The following EHBP1 variants were observed in gnomAD, a reference collection of about 807,000 sequenced individuals.
EHBP1 encodes the protein EH domain-binding protein 1.
EHBP1 carries 55 observed loss-of-function variants against 144.0 expected under a neutral mutation model. The observed-to-expected ratio is 0.38, with a 90% CI of 0.31 to 0.48. The LOEUF (loss-of-function observed/expected upper bound fraction) is 0.48. Among genes scored for constraint, EHBP1 ranks in the 20% least tolerant of loss-of-function variants. The pLI, the probability that EHBP1 is intolerant of heterozygous loss-of-function variation, is 0.98. For missense variants in EHBP1, 1,200 were observed against 1,364.2 expected (o/e 0.88, Z 1.90); for synonymous variants, 469 against 472.7 (o/e 0.99, Z 0.10).
chr2:62,962,166 A>T (rs1203501544), intron 14 of EHBP1, among the ~76,000 whole-genome samples: 2 of 151,828 alleles, frequency 1.3e-5, no homozygotes, highest in Non-Finnish European at 1.5e-5. Flanking sequence ...CTCTACCAAA[A>T]ATACAAAAAA....
chr2:62,699,933 C>T (rs920128988), intron 1 of EHBP1, among the ~76,000 whole-genome samples: 3 of 152,174 alleles, frequency 2.0e-5, no homozygotes, highest in African/African-American at 7.2e-5. Flanking sequence ...TTTCTAGATG[C>T]TGTGGAGCTG....
chr2:62,704,730 C>A (rs2034398174), upstream of EHBP1, among the ~76,000 whole-genome samples: 1 of 152,164 alleles, frequency 6.6e-6, no homozygotes, highest in South Asian at 2.1e-4. Context: ...CACCAGGGGT[C>A]TGTGAACCAC....
chr2:62,803,252 T>G (rs1156961318), intron 5 of EHBP1, among the ~76,000 whole-genome samples: 2 of 151,864 alleles, frequency 1.3e-5, no homozygotes, highest in African/African-American at 4.8e-5. Context: ...AAAAAAAAAT[T>G]TATGCACACG....
intron 5 of EHBP1, among the ~76,000 whole-genome samples, chr2:62,813,619 G>A (rs1383106346): frequency 6.6e-6 from 1 of 152,202 alleles, no homozygotes; most frequent in East Asian, 1.9e-4. Context: ...GGTGGACTGA[G>A]TCCAGCAAAG....
chr2:62,727,575 G>A lies in EHBP1; in HGVS notation c.105-19820G>A, dbSNP rs189428403. ...GATACTATATGGTCTTTTGTGACTG[G>A]CTTCTTTCACTTAGCATTATGGTTT... On this transcript the variant is annotated intron_variant, in intron 2 of 22. Transcript: ENST00000431489. 5.5e-4 allele frequency among the ~76,000 whole-genome samples: 84 copies of A among 152,150 alleles called. No individual in the cohort carries two copies. The East Asian group carries it at 0.011, about 20-fold the overall frequency.
At chr2:62,792,303 A>T (rs1165600813) in intron 5 of EHBP1, among the ~76,000 whole-genome samples, 1 of 152,070 alleles carries the variant, frequency 6.6e-6, no homozygotes, top group African/African-American at 2.4e-5. Flanking sequence ...AATGTTCTAC[A>T]GTCCAGATAT....
intron 21 of EHBP1, 118 bp downstream of exon 21, chr2:63,038,934 C>A: frequency 2.4e-6 from 2 of 819,066 alleles, no homozygotes; most frequent in Non-Finnish European, 3.9e-6. Flanking sequence ...TCCGGAATTG[C>A]AAATAAATGC....
At chr2:63,015,535 C>T (rs1379555154) in intron 19 of EHBP1, among the ~76,000 whole-genome samples, 3 of 152,034 alleles carry the variant, frequency 2.0e-5, no homozygotes, top group Non-Finnish European at 4.4e-5. Context: ...TGTTTAGAGA[C>T]AGGGTCTTGC....
chr2:62,696,652 T>C (rs1279962080), intron 1 of EHBP1, among the ~76,000 whole-genome samples: 8 of 151,266 alleles, frequency 5.3e-5, no homozygotes, highest in Non-Finnish European at 8.8e-5. Context: ...TAGCTGGGAC[T>C]ACAGGCGCCA....
intron 5 of EHBP1, among the ~76,000 whole-genome samples, chr2:62,802,485 T>A (rs2044077469): frequency 6.6e-6 from 1 of 152,182 alleles, no homozygotes; most frequent in Non-Finnish European, 1.5e-5. Context: ...GTTGTTCCCC[T>A]TCCCCATACA....
At chr2:62,846,261 C>G (rs762886620) in intron 7 of EHBP1, among the ~76,000 whole-genome samples, 1 of 152,048 alleles carries the variant, frequency 6.6e-6, no homozygotes, top group African/African-American at 2.4e-5. Flanking sequence ...AACGAGGGCT[C>G]TAAAAAAGAA....
intron 5 of EHBP1, among the ~76,000 whole-genome samples, chr2:62,822,403 A>AT (rs1393996272): frequency 1.3e-5 from 2 of 152,014 alleles, no homozygotes; most frequent in Non-Finnish European, 2.9e-5. Context: ...GCAGTTATCT[A>AT]TTTTTTCTCC....
intron 7 of EHBP1, among the ~76,000 whole-genome samples, chr2:62,851,952 T>A (rs1260935256): frequency 6.6e-6 from 1 of 152,152 alleles, no homozygotes; most frequent in Non-Finnish European, 1.5e-5. Context: ...AAAAGCATGA[T>A]GATGAGGAAG....
At chr2:62,893,567 A>G (rs1466590477) in intron 10 of EHBP1, among the ~76,000 whole-genome samples, 1 of 152,222 alleles carries the variant, frequency 6.6e-6, no homozygotes, top group Non-Finnish European at 1.5e-5. Context: ...GGGGAAATAT[A>G]TTCCTAAGAA....
chr2:62,696,068 A>T (rs975979179), intron 1 of EHBP1, among the ~76,000 whole-genome samples: 3 of 152,086 alleles, frequency 2.0e-5, no homozygotes, highest in Admixed American at 6.6e-5. Flanking sequence ...AAGAAAACGT[A>T]TCACATAATT....
chr2:62,948,618 G>A lies in EHBP1; in HGVS notation c.1772G>A (p.Ser591Asn), dbSNP rs1443443155. ...VNDSGVGESE[S>N]EHQTPDDHLS... Reference sequence around the variant, plus strand: ...GATAGCGGGGTTGGAGAGTCAGAAAGTGAGCATCAAACTCCTGATGATCAC... The same window carrying A: ...GATAGCGGGGTTGGAGAGTCAGAAAATGAGCATCAAACTCCTGATGATCAC... Residue 591 changes from serine to asparagine, a missense_variant, in exon 13 of 23, where the codon AGT (serine) becomes AAT (asparagine). Coordinates refer to ENST00000431489, the MANE Select transcript of EHBP1 (RefSeq NM_001142616.3). The A allele has an allele frequency of 6.2e-7, 1 of 1,613,956 alleles. No homozygotes were observed. The highest frequency in any genetic ancestry group is 1.3e-5 in the African/African-American group (1 of 75,024).
chr2:62,962,188 C>T (rs2058035045), intron 14 of EHBP1, among the ~76,000 whole-genome samples: 1 of 150,526 alleles, frequency 6.6e-6, no homozygotes, highest in Non-Finnish European at 1.5e-5. Flanking sequence ...TACCCAGGCA[C>T]GGTGGCTCAC....
In EHBP1 at chr2:62,917,285, C is replaced by T. The variant is rs534564338; in HGVS notation, c.1186-25433C>T. ...TCCAGCCTGAGCAGCAGAGTGAGACCCTGTCTCAAAAATGAATGAATAAAT... is the reference window on the plus strand; with the variant it reads ...TCCAGCCTGAGCAGCAGAGTGAGACTCTGTCTCAAAAATGAATGAATAAAT... On this transcript the variant is annotated intron_variant, in intron 10 of 22. Coordinates refer to ENST00000431489, the MANE Select transcript of EHBP1 (RefSeq NM_001142616.3). 5.3e-5 allele frequency among the ~76,000 whole-genome samples: 8 copies of T among 151,892 alleles called. No homozygotes were observed. In the East Asian group the frequency reaches 1.4e-3, roughly 26 times the overall value.
chr2:63,010,823 A>T (rs1014660399), intron 19 of EHBP1, among the ~76,000 whole-genome samples: 1 of 151,748 alleles, frequency 6.6e-6, no homozygotes, highest in African/African-American at 2.4e-5. Context: ...CCTTAGTAGG[A>T]TTATTAACCT....
Sources: gnomAD v4.1 joint callset for allele counts (sites outside exome capture counted in the v4.1 genomes callset) on GRCh38, gnomAD v4.1.1 for gene constraint, MANE v1.5 for transcripts, NCBI Gene and HGNC (gene_info 2026-07-23, HGNC 2026-07-21) for gene names.